Variants in NUTF2 observed in about 807,000 individuals in gnomAD.
The protein encoded by NUTF2 is placental protein 15.
In NUTF2, 3 loss-of-function variants were observed where a neutral mutation model predicts 18.5. The ratio of observed to expected loss-of-function variants is 0.16; its 90% CI spans 0.07 to 0.42. The LOEUF (loss-of-function observed/expected upper bound fraction) is 0.42. Ranked by LOEUF, NUTF2 falls within the 10% of genes least tolerant of loss-of-function variation. The pLI is 0.99. For missense variants in NUTF2, 44 were observed against 160.7 expected (o/e 0.27, Z 3.93); for synonymous variants, 51 against 57.9 (o/e 0.88, Z 0.54).
chr16:67,848,455 C>T (rs1431503823), intron 1 of NUTF2, among the ~76,000 whole-genome samples: 1 of 152,172 alleles, frequency 6.6e-6, no homozygotes, highest in African/African-American at 2.4e-5. Context: ...TGGAGGTGCA[C>T]TTCTGTAATC....
At chr16:67,854,530 G>C (rs2057881739) in intron 1 of NUTF2, among the ~76,000 whole-genome samples, 1 of 152,218 alleles carries the variant, frequency 6.6e-6, no homozygotes, top group South Asian at 2.1e-4. Context: ...AATACCAATA[G>C]CGCTTGTTTT....
intron 2 of NUTF2, 87 bp from the exon 3 acceptor site, chr16:67,868,253 G>A: frequency 8.2e-7 from 1 of 1,224,924 alleles, no homozygotes; most frequent in Non-Finnish European, 1.2e-6. Context: ...ACTTCTCCAA[G>A]CAAGGCCCTT....
rs764467329 is a variant in NUTF2, at chr16:67,865,123, G to A, written c.-8G>A. On this transcript the variant is annotated 5_prime_UTR_variant, in exon 2 of 5. Coordinates refer to ENST00000219169, the MANE Select transcript of NUTF2 (RefSeq NM_005796.3). ...GCAGGTCTCCGTGAGGCCGGGTGAC[G>A]CTCCAGAATGGGAGACAAGCCAATT... The A allele has an allele frequency of 7.5e-6, 12 of 1,603,248 alleles. No homozygotes were observed. The East Asian group carries it at 1.6e-4, about 21-fold the overall frequency.
At chr16:67,865,699 T>G (rs2057965892) in intron 2 of NUTF2, among the ~76,000 whole-genome samples, 1 of 151,264 alleles carries the variant, frequency 6.6e-6, no homozygotes, top group Admixed American at 6.6e-5. Flanking sequence ...AACCCTTCTA[T>G]GCAGGCATTG....
At chr16:67,853,396 C>G (rs1210265540) in intron 1 of NUTF2, among the ~76,000 whole-genome samples, 4 of 152,090 alleles carry the variant, frequency 2.6e-5, no homozygotes, top group Non-Finnish European at 4.4e-5. Context: ...CTCACTCTGT[C>G]TCCCAGGCTG....
intron 1 of NUTF2, among the ~76,000 whole-genome samples, chr16:67,864,509 C>CAAAAAAA (rs572931294): frequency 7.5e-5 from 4 of 53,068 alleles, no homozygotes; most frequent in East Asian, 6.6e-4. Flanking sequence ...AACTCTGTCT[C>CAAAAAAA]AAAAAAAAAA....
At chr16:67,862,403 C>T (rs1260085187) in intron 1 of NUTF2, among the ~76,000 whole-genome samples, 1 of 152,166 alleles carries the variant, frequency 6.6e-6, no homozygotes, top group Non-Finnish European at 1.5e-5. Flanking sequence ...CTGGGAGCCC[C>T]TGATGTGTCC....
Position 67,866,163 on chromosome 16 carries a change from C to T in NUTF2, c.99+934C>T, listed in dbSNP as rs573547782. ...AGTAATCCAGGCACAGTCTCAGAGC[C>T]TGATTGGGCTGACTCTCCACAGTCT... On this transcript the variant is annotated intron_variant, in intron 2 of 4. Transcript: ENST00000219169. 4.1e-5 allele frequency among the ~76,000 whole-genome samples: 6 copies of T among 148,074 alleles called. No homozygotes were observed. In the South Asian group the frequency reaches 1.3e-3, roughly 31 times the overall value.
At chr16:67,864,831 A>G (rs2057959499) in intron 1 of NUTF2, among the ~76,000 whole-genome samples, 1 of 151,652 alleles carries the variant, frequency 6.6e-6, no homozygotes, top group Non-Finnish European at 1.5e-5. Context: ...TACCCTTAGC[A>G]CCCCTCCTGT....
intron 1 of NUTF2, among the ~76,000 whole-genome samples, chr16:67,851,704 G>A (rs2057859341): frequency 6.6e-6 from 1 of 151,672 alleles, no homozygotes; most frequent in African/African-American, 2.4e-5. Flanking sequence ...TTCCACCCTG[G>A]AGACACAGAA....
At chr16:67,859,086 T>C (rs1400025815) in intron 1 of NUTF2, among the ~76,000 whole-genome samples, 1 of 152,028 alleles carries the variant, frequency 6.6e-6, no homozygotes, top group African/African-American at 2.4e-5. Context: ...CCTCCTGCCT[T>C]GGACTCCCAA....
At chr16:67,859,694 ATGT>A (rs1302238603) in intron 1 of NUTF2, among the ~76,000 whole-genome samples, 2 of 146,438 alleles carry the variant, frequency 1.4e-5, no homozygotes, top group Non-Finnish European at 3.0e-5. Flanking sequence ...GGGTTTCACC[ATGT>A]TGTGCCCAGG....
At position 67,864,469 on chromosome 16, in the gene NUTF2, A is replaced by G. The variant is rs1400360512; in HGVS notation, c.-29-633A>G. 2.0e-5 allele frequency among the ~76,000 whole-genome samples: 3 copies of G among 146,814 alleles called. No homozygotes were observed. The East Asian group carries it at 6.2e-4, about 30-fold the overall frequency. ...GGTTGCAGTGAGCCAAGATCACGCC[A>G]TTGCACTCCAGCCTGGGCAACAAGA... is the stretch of plus-strand genomic sequence containing the variant. On this transcript the variant is annotated intron_variant, in intron 1 of 4. Transcript: ENST00000219169.
intron 1 of NUTF2, among the ~76,000 whole-genome samples, chr16:67,860,519 C>T (rs776788274): frequency 7.9e-5 from 12 of 152,216 alleles, no homozygotes; most frequent in Non-Finnish European, 1.2e-4. Context: ...GATCCTCCTG[C>T]GTGGGCCTCC....
intron 1 of NUTF2, chr16:67,847,491 G>T (rs1375850002): frequency 6.6e-6 from 1 of 152,358 alleles, no homozygotes; most frequent in Non-Finnish European, 1.5e-5. Flanking sequence ...CGGGGCTTGG[G>T]CCCCTCACCC....
Position 67,871,605 on chromosome 16 carries a change from C to T in NUTF2, c.*692C>T, listed in dbSNP as rs563984119. On this transcript the variant is annotated 3_prime_UTR_variant, in exon 5 of 5. Transcript: ENST00000219169. The stretch of plus-strand genomic sequence containing the variant: ...CAGTCAGTTCTGATACCTCCTGTGA[C>T]TTCTGCTCTGGGTAGGTTCAGGGCC... 3.9e-5 allele frequency: 6 copies of T among 152,394 alleles called. No individual in the cohort carries two copies. Among genetic ancestry groups the T allele is most frequent in the Admixed American group, 2.0e-4 (3 of 15,296 alleles). 9.4% of individuals were successfully genotyped at this position (152,394 alleles called of 1,614,324 possible). A position where few individuals can be genotyped will look rare whatever the true frequency, so the allele number is the denominator to read the frequency against.
intron 1 of NUTF2, among the ~76,000 whole-genome samples, chr16:67,852,375 C>G (rs1184424700): frequency 6.7e-6 from 1 of 148,880 alleles, no homozygotes; most frequent in African/African-American, 2.5e-5. Context: ...TTCACCCAGG[C>G]TGGAGTGAAG....
chr16:67,858,744 T>G (rs947932283), intron 1 of NUTF2, among the ~76,000 whole-genome samples: 4 of 152,176 alleles, frequency 2.6e-5, no homozygotes, highest in East Asian at 1.9e-4. Context: ...GTTGAGACTT[T>G]GTTCCAGGTG....
chr16:67,855,125 C>T (rs2057886508), intron 1 of NUTF2, among the ~76,000 whole-genome samples: 1 of 152,086 alleles, frequency 6.6e-6, no homozygotes, highest in Non-Finnish European at 1.5e-5. Context: ...GTGATTCTCT[C>T]TTCCTTTGAT....
Sources: gnomAD v4.1 joint callset for allele counts (sites outside exome capture counted in the v4.1 genomes callset) on GRCh38, gnomAD v4.1.1 for gene constraint, MANE v1.5 for transcripts, NCBI Gene and HGNC (gene_info 2026-07-23, HGNC 2026-07-21) for gene names.